Variants in RBMS1 observed in about 807,000 individuals in gnomAD.
RBMS1 encodes RNA binding motif single stranded interacting protein 1, also known as RNA-binding motif, single-stranded-interacting protein 1.
In RBMS1, 17 loss-of-function variants were observed where a neutral mutation model predicts 62.3. The ratio of observed to expected loss-of-function variants is 0.27; its 90% confidence interval spans 0.19 to 0.41. RBMS1 has a LOEUF of 0.41. RBMS1 is among the 10% of genes least tolerant of loss of function. RBMS1 has a pLI of 1.00. For missense variants in RBMS1, 334 were observed against 504.5 expected, an observed-to-expected ratio of 0.66 and a Z score of 3.24; for synonymous variants, 172 against 170.0, an observed-to-expected ratio of 1.01 and a Z score of -0.09.
chr2:160,347,767 G>A (rs1692265558), intron 2 of RBMS1, among the ~76,000 whole-genome samples: 1 of 152,008 alleles, frequency 6.6e-6, no homozygotes, highest in Non-Finnish European at 1.5e-5. Flanking sequence ...AACATTTTTA[G>A]ACTAAGGAAT....
At chr2:160,360,383 G>A (rs1413329128) in intron 2 of RBMS1, among the ~76,000 whole-genome samples, 1 of 152,146 alleles carries the variant, frequency 6.6e-6, no homozygotes, top group Non-Finnish European at 1.5e-5. Flanking sequence ...AGAAAGAAAG[G>A]AGAGAAATTC....
chr2:160,320,518 A>G (rs1429125025), intron 2 of RBMS1, among the ~76,000 whole-genome samples: 1 of 152,204 alleles, frequency 6.6e-6, no homozygotes, highest in East Asian at 1.9e-4. Flanking sequence ...GCTTAATGAG[A>G]GGTGTCTGGG....
Position 160,278,531 on chromosome 2 carries a change from A to G in RBMS1, c.1062+17T>C. Reference sequence around the variant, plus strand: ...TCCTCTGTTTACAGAGACACATGATAATTATTTGCCACCTACTGTTCCGGT... The same window carrying G: ...TCCTCTGTTTACAGAGACACATGATGATTATTTGCCACCTACTGTTCCGGT... On this transcript the variant is annotated intron_variant, in intron 11 of 13. Transcript: ENST00000348849. The G allele has an allele frequency of 6.3e-7, 1 of 1,589,726 alleles. No individual in the cohort carries two copies. Among genetic ancestry groups the G allele is most frequent in the Non-Finnish European group, 8.6e-7 (1 of 1,159,194 alleles).
Position 160,350,204 on chromosome 2 carries a change from G to T in RBMS1, c.251+17012C>A, listed in dbSNP as rs745885886. ...CGTGTCAGTGTGGCAGCAGCACTCCGAGGACCCTGCTGATGGAAGTTTTAA... is the reference window on the plus strand; with the variant it reads ...CGTGTCAGTGTGGCAGCAGCACTCCTAGGACCCTGCTGATGGAAGTTTTAA... On this transcript the variant is annotated intron_variant, in intron 2 of 13. Coordinates refer to ENST00000348849, the MANE Select transcript of RBMS1 (RefSeq NM_016836.4). Among the ~76,000 whole-genome samples, 4 of 152,110 alleles carry T rather than the reference G, an allele frequency of 2.6e-5. No individual in the cohort carries two copies. The East Asian group carries it at 5.8e-4, about 22-fold the overall frequency.
At chr2:160,384,747 G>C (rs1174976910) in intron 1 of RBMS1, among the ~76,000 whole-genome samples, 1 of 152,188 alleles carries the variant, frequency 6.6e-6, no homozygotes, top group East Asian at 1.9e-4. Context: ...TGTCGGGCTT[G>C]TAAGAAGTGC....
chr2:160,425,282 G>C (rs963556140), intron 1 of RBMS1, among the ~76,000 whole-genome samples: 1 of 152,170 alleles, frequency 6.6e-6, no homozygotes, highest in Non-Finnish European at 1.5e-5. Context: ...AACCTAAAGG[G>C]AGATGATTAG....
intron 2 of RBMS1, among the ~76,000 whole-genome samples, chr2:160,334,044 CAAT>C (rs1248049359): frequency 1.3e-5 from 2 of 152,054 alleles, no homozygotes; most frequent in Admixed American, 1.3e-4. Flanking sequence ...CTTTTTTTGA[CAAT>C]GATTATTTTG....
intron 1 of RBMS1, among the ~76,000 whole-genome samples, chr2:160,379,672 A>G (rs529408800): frequency 6.6e-6 from 1 of 152,360 alleles, no homozygotes; most frequent in African/African-American, 2.4e-5. Flanking sequence ...TTATTTCACA[A>G]TATTCTATTT....
At chr2:160,397,068 T>C (rs539245854) in intron 1 of RBMS1, among the ~76,000 whole-genome samples, 2 of 152,246 alleles carry the variant, frequency 1.3e-5, no homozygotes, top group African/African-American at 4.8e-5. Context: ...TCAAACCCTA[T>C]ATAAACCCAT....
intron 2 of RBMS1, among the ~76,000 whole-genome samples, chr2:160,356,901 T>A (rs1198155233): frequency 6.6e-6 from 1 of 152,182 alleles, no homozygotes; most frequent in African/African-American, 2.4e-5. Flanking sequence ...TAGACAATTT[T>A]TGGCTGCTAG....
intron 1 of RBMS1, among the ~76,000 whole-genome samples, chr2:160,459,153 G>A (rs948915762): frequency 4.6e-5 from 7 of 152,136 alleles, no homozygotes; most frequent in African/African-American, 1.4e-4. Context: ...AAATAATCCC[G>A]TTAATAGATG....
chr2:160,387,016 G>T (rs549051850), intron 1 of RBMS1, among the ~76,000 whole-genome samples: 2 of 152,300 alleles, frequency 1.3e-5, no homozygotes, highest in Admixed American at 6.5e-5. Flanking sequence ...CTAGGTGTCA[G>T]CTGAAGAACT....
At chr2:160,412,485 A>G (rs968211897) in intron 1 of RBMS1, among the ~76,000 whole-genome samples, 1 of 152,178 alleles carries the variant, frequency 6.6e-6, no homozygotes, top group African/African-American at 2.4e-5. Context: ...GGGTTAAAAG[A>G]TTTACTAAGT....
intron 1 of RBMS1, among the ~76,000 whole-genome samples, chr2:160,401,045 G>C (rs1175496337): frequency 6.6e-6 from 1 of 152,006 alleles, no homozygotes; most frequent in Non-Finnish European, 1.5e-5. Context: ...TGCTCATTGT[G>C]GGGGACAAGA....
At chr2:160,301,682 T>A (rs1442424220) in intron 5 of RBMS1, among the ~76,000 whole-genome samples, 2 of 152,240 alleles carry the variant, frequency 1.3e-5, no homozygotes. Flanking sequence ...ACTCATAGGA[T>A]GTTTTAGTTT....
intron 2 of RBMS1, among the ~76,000 whole-genome samples, chr2:160,324,786 A>C (rs1206799591): frequency 6.6e-6 from 1 of 150,944 alleles, no homozygotes; most frequent in Non-Finnish European, 1.5e-5. Context: ...TGACCTCGTG[A>C]GTTAATTCAG....
intron 1 of RBMS1, among the ~76,000 whole-genome samples, chr2:160,456,851 T>A (rs1684256400): frequency 6.6e-6 from 1 of 152,072 alleles, no homozygotes; most frequent in Non-Finnish European, 1.5e-5. Context: ...TCAGTTCAAT[T>A]CAATACATTT....
chr2:160,441,848 C>A (rs1683423150), intron 1 of RBMS1, among the ~76,000 whole-genome samples: 1 of 152,204 alleles, frequency 6.6e-6, no homozygotes. Flanking sequence ...TTTATGTTAT[C>A]TATTCTAGTG....
chr2:160,424,532 T>C (rs1031745126), intron 1 of RBMS1, among the ~76,000 whole-genome samples: 2 of 152,186 alleles, frequency 1.3e-5, no homozygotes, highest in African/African-American at 2.4e-5. Flanking sequence ...ATTTCCAAAG[T>C]GCAGGGGAAT....
Sources: allele counts gnomAD v4.1 joint callset (sites outside exome capture counted in the v4.1 genomes callset), GRCh38; gene constraint gnomAD v4.1.1; transcripts MANE v1.5; gene names NCBI Gene and HGNC (gene_info 2026-07-23, HGNC 2026-07-21).